The following MB variants were observed in gnomAD, a reference collection of about 807,000 sequenced individuals.
The protein encoded by MB is myoglobin.
MB carries 10 observed loss-of-function variants against 14.5 expected under a neutral mutation model. That is an observed-to-expected ratio of 0.69 (90% CI 0.43 to 1.17). The LOEUF is 1.17. Ranked by LOEUF, MB falls within the 50% of genes most tolerant of loss-of-function variation. The probability of loss-of-function intolerance (pLI) is 0.00; values close to 1 mark genes in which losing one functional copy is unlikely to be tolerated. For missense variants in MB, 169 were observed against 192.7 expected (o/e 0.88, Z 0.73); for synonymous variants, 89 against 78.6 (o/e 1.13, Z -0.70).
At chr22:35,617,010 A>G in intron 1 of MB, 153 bp downstream of exon 1, 2 of 627,908 alleles carry the variant, frequency 3.2e-6, no homozygotes, top group Non-Finnish European at 5.8e-6. Context: ...AATCCCTGAC[A>G]CTTAAAAGCA....
upstream of MB, among the ~76,000 whole-genome samples, chr22:35,621,254 CT>C (rs1357597180): frequency 2.6e-5 from 4 of 152,206 alleles, no homozygotes; most frequent in Admixed American, 6.5e-5. Flanking sequence ...GCACATTAGT[CT>C]GATACCCAGT....
chr22:35,611,547 A>C (rs1486398642), intron 1 of MB, among the ~76,000 whole-genome samples: 1 of 152,058 alleles, frequency 6.6e-6, no homozygotes, highest in Non-Finnish European at 1.5e-5. Context: ...AAATACCTCT[A>C]GCTACAGGAG....
At chr22:35,609,465 C>A (rs1922411250) in intron 2 of MB, among the ~76,000 whole-genome samples, 1 of 152,080 alleles carries the variant, frequency 6.6e-6, no homozygotes, top group Admixed American at 6.5e-5. Flanking sequence ...TGATGTGGAG[C>A]AGTTGGGCAG....
chr22:35,607,543 C>A, intron 2 of MB, 100 bp from the exon 3 acceptor site: 2 of 1,216,532 alleles, frequency 1.6e-6, no homozygotes, highest in Admixed American at 2.2e-5. Flanking sequence ...ATTCCAGGAC[C>A]GTGTATTGAG....
intron 1 of MB, among the ~76,000 whole-genome samples, chr22:35,616,539 G>C (rs1923091694): frequency 6.6e-6 from 1 of 152,188 alleles, no homozygotes; most frequent in Non-Finnish European, 1.5e-5. Flanking sequence ...CTAGGACTCA[G>C]TATATGCCAG....
At chr22:35,616,949 C>A (rs2074539940) in intron 1 of MB, 2 of 551,730 alleles carry the variant, frequency 3.6e-6, no homozygotes, top group South Asian at 2.3e-5. Flanking sequence ...CTCATGCTTC[C>A]TCCAGCTGCT....
chr22:35,607,357 G>A lies in MB; in HGVS notation c.405C>T (p.Ala135=). The change falls in exon 3 of 3, where the codon GCC becomes GCT. Residue 135 remains alanine (A), a synonymous_variant. Transcript: ENST00000397326. ...CCATGTCCTTCCGGAACAGCTCCAGGGCCTTGTTCATGGCCCCCTGGGCAT... is the reference window on the plus strand; with the variant it reads ...CCATGTCCTTCCGGAACAGCTCCAGAGCCTTGTTCATGGCCCCCTGGGCAT... ...GADAQGAMNK[A]LELFRKDMAS... is the part of the protein sequence containing the mutation. 2 of 1,614,220 alleles carry A rather than the reference G, an allele frequency of 1.2e-6. No individual in the cohort carries two copies. Among genetic ancestry groups the A allele is most frequent in the Non-Finnish European group, 1.7e-6 (2 of 1,180,022 alleles).
intron 1 of MB, among the ~76,000 whole-genome samples, chr22:35,611,840 T>C (rs2283963): frequency 0.67 from 100,785 of 150,268 alleles, 35,361 homozygotes; most frequent in East Asian, 0.93. Context: ...CTTTAGACCT[T>C]GGTCCTTCCT....
At chr22:35,620,821 T>TTGTC (rs1923414648), upstream of MB, among the ~76,000 whole-genome samples, 1 of 152,166 alleles carries the variant, frequency 6.6e-6, no homozygotes, top group Admixed American at 6.5e-5. Context: ...GCCTCCTGAG[T>TTGTC]TGTCTGGGGA....
At chr22:35,611,944 G>A (rs1462800694) in intron 1 of MB, among the ~76,000 whole-genome samples, 1 of 152,162 alleles carries the variant, frequency 6.6e-6, no homozygotes, top group Non-Finnish European at 1.5e-5. Context: ...GCTGGTTAAA[G>A]GGAGTCAGAC....
intron 1 of MB, among the ~76,000 whole-genome samples, chr22:35,613,737 G>A (rs556069062): frequency 6.6e-6 from 1 of 152,072 alleles, no homozygotes; most frequent in African/African-American, 2.4e-5. Flanking sequence ...GGACTCAAGC[G>A]ATTCCCCGAT....
upstream of MB, among the ~76,000 whole-genome samples, chr22:35,621,391 T>C (rs538818785): frequency 3.3e-5 from 5 of 152,232 alleles, no homozygotes; most frequent in East Asian, 9.7e-4. Context: ...AATCTTGAGA[T>C]CCCAGAATTA....
intron 1 of MB, among the ~76,000 whole-genome samples, chr22:35,612,993 T>C (rs1017102138): frequency 6.6e-6 from 1 of 152,174 alleles, no homozygotes; most frequent in Non-Finnish European, 1.5e-5. Context: ...ATGTTGGGCA[T>C]GGTCTGCCGC....
At chr22:35,618,865 C>T (rs190717801), upstream of MB, among the ~76,000 whole-genome samples, 512 of 149,358 alleles carry the variant, frequency 3.4e-3, 2 homozygotes, top group Middle Eastern at 0.017. Flanking sequence ...CATTCATCAT[C>T]CCTCCCTCCA....
chr22:35,621,490 A>G (rs1441370885), upstream of MB, among the ~76,000 whole-genome samples: 1 of 152,180 alleles, frequency 6.6e-6, no homozygotes, highest in East Asian at 1.9e-4. Flanking sequence ...AGAAGCAGAG[A>G]AATCTAGAAT....
chr22:35,611,965 G>T (rs1422711806), intron 1 of MB, among the ~76,000 whole-genome samples: 1 of 152,088 alleles, frequency 6.6e-6, no homozygotes, highest in Non-Finnish European at 1.5e-5. Flanking sequence ...CTGCCCTCTG[G>T]GTAGGAGTGA....
chr22:35,611,090 G>C lies in MB; in HGVS notation c.112C>G (p.Pro38Ala). 1 of 1,613,996 alleles carries C rather than the reference G, an allele frequency of 6.2e-7. No homozygotes were observed. Among genetic ancestry groups the C allele is most frequent in the Non-Finnish European group, 8.5e-7 (1 of 1,179,982 alleles). The stretch of plus-strand genomic sequence containing the variant: ...TTGTCAAACTTCTCCAGAGTCTCTG[G>C]GTGACCCTTAAAGAGCCTGTGGGCA... ...EVLIRLFKGH[P>A]ETLEKFDKFK... is the part of the protein sequence containing the mutation. The change falls in exon 2 of 3, where the codon CCA (proline) becomes GCA (alanine). Residue 38 changes from proline (P) to alanine (A), a missense_variant. Transcript: ENST00000397326.
At chr22:35,612,970 A>G (rs899622035) in intron 1 of MB, among the ~76,000 whole-genome samples, 1 of 150,692 alleles carries the variant, frequency 6.6e-6, no homozygotes, top group Non-Finnish European at 1.5e-5. Context: ...AACCACATAC[A>G]CTCCCTTCCC....
At chr22:35,609,970 G>A (rs970253286) in intron 2 of MB, among the ~76,000 whole-genome samples, 1 of 152,204 alleles carries the variant, frequency 6.6e-6, no homozygotes, top group Non-Finnish European at 1.5e-5. Flanking sequence ...GGTGGCTGGA[G>A]CTCTTGCAGT....
Sources: allele counts gnomAD v4.1 joint callset (sites outside exome capture counted in the v4.1 genomes callset), GRCh38; gene constraint gnomAD v4.1.1; transcripts MANE v1.5; gene names NCBI Gene and HGNC (gene_info 2026-07-23, HGNC 2026-07-21).